The following CDC40 variants were observed in gnomAD, a reference collection of about 807,000 sequenced individuals.
The protein encoded by CDC40 is pre-mRNA-processing factor 17.
CDC40 carries 27 observed loss-of-function variants against 80.6 expected under a neutral mutation model. The ratio of observed to expected loss-of-function variants is 0.33; its 90% confidence interval spans 0.25 to 0.46. The LOEUF (loss-of-function observed/expected upper bound fraction) is 0.46. Among genes scored for constraint, CDC40 ranks in the 20% least tolerant of loss-of-function variants. The pLI is 1.00. For missense variants in CDC40, 486 were observed against 694.1 expected (o/e 0.70, Z 3.37); for synonymous variants, 221 against 232.6 (o/e 0.95, Z 0.45).
intron 5 of CDC40, among the ~76,000 whole-genome samples, chr6:110,210,095 C>T (rs765365445): frequency 2.6e-5 from 4 of 151,828 alleles, no homozygotes; most frequent in African/African-American, 4.8e-5. Context: ...TTCTGATTGC[C>T]TTGTCTTTTT....
At chr6:110,186,612 T>C (rs76129295) in intron 1 of CDC40, among the ~76,000 whole-genome samples, 7,823 of 152,306 alleles carry the variant, frequency 0.051, 222 homozygotes, top group East Asian at 0.12. Context: ...TATTCTACTG[T>C]CTTCTGATTT....
intron 12 of CDC40, 108 bp downstream of exon 12, chr6:110,219,977 A>G (rs1777747595): frequency 2.5e-6 from 3 of 1,177,208 alleles, no homozygotes; most frequent in South Asian, 3.3e-5. Context: ...ATTTTTTGCA[A>G]CTGTGATCCT....
intron 13 of CDC40, among the ~76,000 whole-genome samples, chr6:110,228,283 A>C (rs1178813862): frequency 6.6e-6 from 1 of 152,226 alleles, no homozygotes; most frequent in African/African-American, 2.4e-5. Context: ...GTGCATGACT[A>C]TAGACGCTGC....
At chr6:110,192,439 A>T (rs1192242800) in intron 1 of CDC40, among the ~76,000 whole-genome samples, 1 of 152,154 alleles carries the variant, frequency 6.6e-6, no homozygotes, top group Non-Finnish European at 1.5e-5. Context: ...GGCTGGAAGG[A>T]TTCATTGTGG....
intron 2 of CDC40, among the ~76,000 whole-genome samples, chr6:110,196,789 T>C (rs948644003): frequency 6.6e-6 from 1 of 152,146 alleles, no homozygotes; most frequent in African/African-American, 2.4e-5. Context: ...AGATATGACA[T>C]GATATCCACT....
intron 2 of CDC40, among the ~76,000 whole-genome samples, chr6:110,194,972 G>A (rs185745679): frequency 2.6e-5 from 4 of 152,112 alleles, no homozygotes; most frequent in African/African-American, 4.8e-5. Context: ...CTTTTTCCTC[G>A]GGTTAGAGAA....
chr6:110,221,696 C>T (rs1394973007), intron 12 of CDC40, among the ~76,000 whole-genome samples: 4 of 152,010 alleles, frequency 2.6e-5, no homozygotes, highest in Admixed American at 2.6e-4. Context: ...GATGTTTCTA[C>T]CTTCAGATAT....
intron 1 of CDC40, among the ~76,000 whole-genome samples, chr6:110,182,398 C>T (rs1562197586): frequency 6.6e-6 from 1 of 152,172 alleles, no homozygotes; most frequent in South Asian, 2.1e-4. Flanking sequence ...GCTCAGCCAC[C>T]TCCAATTCAG....
At chr6:110,213,520 G>C (rs1777663530) in intron 8 of CDC40, among the ~76,000 whole-genome samples, 2 of 151,544 alleles carry the variant, frequency 1.3e-5, no homozygotes, top group Non-Finnish European at 2.9e-5. Context: ...CTCCCCAGTA[G>C]CTAGGACTAC....
intron 1 of CDC40, among the ~76,000 whole-genome samples, chr6:110,189,854 T>G (rs1053014596): frequency 2.6e-5 from 4 of 152,180 alleles, no homozygotes; most frequent in Non-Finnish European, 5.9e-5. Context: ...TATGGTGGTG[T>G]TTTTCTAGAT....
rs1451221817 is a variant in CDC40, at chr6:110,230,909, G to A, written c.*778G>A. On this transcript the variant is annotated 3_prime_UTR_variant, in exon 15 of 15. Coordinates refer to ENST00000307731, the MANE Select transcript of CDC40 (RefSeq NM_015891.3). ...GACCTGGCTACGCTTTGAGAAATCA[G>A]GATCTCCTAGGTCATTGCTTCGCAG... The A allele has an allele frequency of 6.6e-6, 1 of 152,182 alleles. No individual in the cohort carries two copies. Among genetic ancestry groups the A allele is most frequent in the East Asian group, 1.9e-4 (1 of 5,200 alleles). The allele number at this position is 152,182 out of a possible 1,614,324, so 9.4% of individuals were successfully genotyped here.
intron 4 of CDC40, among the ~76,000 whole-genome samples, 197 bp downstream of exon 4, chr6:110,207,786 T>C (rs781138285): frequency 1.3e-5 from 2 of 152,210 alleles, no homozygotes; most frequent in Non-Finnish European, 2.9e-5. Flanking sequence ...CGCTTACTAG[T>C]TGTGGAATCT....
intron 2 of CDC40, among the ~76,000 whole-genome samples, chr6:110,195,322 G>GT (rs963474987): frequency 1.9e-4 from 28 of 150,390 alleles, no homozygotes; most frequent in African/African-American, 2.5e-4. Flanking sequence ...GGTCAAATGT[G>GT]TTTTTTTTAA....
intron 12 of CDC40, among the ~76,000 whole-genome samples, chr6:110,221,040 GTTAAT>G (rs1777769534): frequency 6.6e-6 from 1 of 152,108 alleles, no homozygotes; most frequent in Non-Finnish European, 1.5e-5. Context: ...TATTATATTG[GTTAAT>G]TGTACTTTAC....
chr6:110,203,040 G>A (rs1584070592), intron 3 of CDC40, among the ~76,000 whole-genome samples: 1 of 151,450 alleles, frequency 6.6e-6, no homozygotes, highest in East Asian at 1.9e-4. Flanking sequence ...CTTTATGATA[G>A]ATCTTAGATA....
chr6:110,218,945 C>T (rs541258175), intron 10 of CDC40, among the ~76,000 whole-genome samples: 1 of 152,004 alleles, frequency 6.6e-6, no homozygotes, highest in South Asian at 2.1e-4. Flanking sequence ...TGCCCACTGC[C>T]AGTAACCATA....
At chr6:110,220,601 C>A (rs561265902) in intron 12 of CDC40, among the ~76,000 whole-genome samples, 2 of 151,994 alleles carry the variant, frequency 1.3e-5, no homozygotes, top group South Asian at 4.2e-4. Context: ...CCCGCCACCA[C>A]GCCCGGCTAA....
At chr6:110,191,517 A>G (rs766873559) in intron 1 of CDC40, among the ~76,000 whole-genome samples, 4 of 152,208 alleles carry the variant, frequency 2.6e-5, no homozygotes, top group Admixed American at 6.5e-5. Context: ...ATATATATCC[A>G]CTGAGGATAA....
At chr6:110,225,528 A>C (rs1366505277) in intron 12 of CDC40, among the ~76,000 whole-genome samples, 1 of 150,916 alleles carries the variant, frequency 6.6e-6, no homozygotes, top group Non-Finnish European at 1.5e-5. Context: ...AAGATAGTCC[A>C]GGTACCAAGC....
Sources: allele counts gnomAD v4.1 joint callset (sites outside exome capture counted in the v4.1 genomes callset), GRCh38; gene constraint gnomAD v4.1.1; transcripts MANE v1.5; gene names NCBI Gene and HGNC (gene_info 2026-07-23, HGNC 2026-07-21).